SRD5A2: variants seen among roughly 807,000 people sequenced by gnomAD.
The protein encoded by SRD5A2 is steroid 5 alpha-reductase 2.
Under a neutral mutation model 27.4 loss-of-function variants are expected in SRD5A2, and 30 were observed. The observed-to-expected ratio is 1.10, with a 90% CI of 0.82 to 1.49. SRD5A2 has a LOEUF of 1.49. Ranked by LOEUF, SRD5A2 falls within the 40% of genes most tolerant of loss-of-function variation. The pLI is 0.00. For missense variants in SRD5A2, 348 were observed against 323.4 expected (o/e 1.08, Z -0.58); for synonymous variants, 141 against 133.6 (o/e 1.06, Z -0.38).
intron 1 of SRD5A2, among the ~76,000 whole-genome samples, chr2:31,565,176 C>T (rs1208023978): frequency 1.3e-5 from 2 of 151,552 alleles, no homozygotes; most frequent in African/African-American, 2.4e-5. Flanking sequence ...ATGCAATAAA[C>T]CTTTAAGCAA....
At chr2:31,533,567 C>A in intron 2 of SRD5A2, 36 bp downstream of exon 2, 1 of 1,544,426 alleles carries the variant, frequency 6.5e-7, no homozygotes. Flanking sequence ...GGGTTGTTAG[C>A]TGGGAAGTAG....
chr2:31,580,502 C>T lies in SRD5A2; in HGVS notation c.281+118G>A. 3.1e-6 allele frequency: 4 copies of T among 1,295,634 alleles called. No homozygotes were observed. In the Admixed American group the frequency reaches 8.9e-5, roughly 29 times the overall value. 80.3% of individuals were successfully genotyped at this position (1,295,634 alleles called of 1,614,324 possible). A position where few individuals can be genotyped will look rare whatever the true frequency, so the allele number is the denominator to read the frequency against. ...GCCAGGCAGGCTGGCCTCCGCGTTC[C>T]TCACAGCGCCCCACGCTGCCTCCTT... On this transcript the variant is annotated intron_variant, in intron 1 of 4. Coordinates refer to ENST00000622030, the MANE Select transcript of SRD5A2 (RefSeq NM_000348.4).
intron 1 of SRD5A2, among the ~76,000 whole-genome samples, chr2:31,546,603 T>C (rs1304391323): frequency 1.3e-5 from 2 of 151,966 alleles, no homozygotes; most frequent in Non-Finnish European, 2.9e-5. Flanking sequence ...CACTTGAACA[T>C]AAAGACAAAA....
chr2:31,588,720 G>A, the SRD5A2 span, among the ~76,000 whole-genome samples: 19 of 152,198 alleles, frequency 1.2e-4, no homozygotes, highest in East Asian at 7.7e-4. Flanking sequence ...AAACAAACTG[G>A]TAATAGTAAG....
At chr2:31,601,193 A>G in the SRD5A2 span, among the ~76,000 whole-genome samples, 1 of 151,950 alleles carries the variant, frequency 6.6e-6, no homozygotes, top group African/African-American at 2.4e-5. Flanking sequence ...TAATAAAGAA[A>G]AGAGAGAAGA....
chr2:31,594,660 AG>A, the SRD5A2 span, among the ~76,000 whole-genome samples: 3 of 152,182 alleles, frequency 2.0e-5, no homozygotes, highest in African/African-American at 7.2e-5. Context: ...CAAGACAGAA[AG>A]TCAACAAAAA....
At chr2:31,606,462 G>C in the SRD5A2 span, among the ~76,000 whole-genome samples, 1 of 151,882 alleles carries the variant, frequency 6.6e-6, no homozygotes, top group Non-Finnish European at 1.5e-5. Context: ...AAGAGAGGTA[G>C]AGAGTGAAGT....
At chr2:31,558,587 C>T (rs1013953903) in intron 1 of SRD5A2, among the ~76,000 whole-genome samples, 3 of 152,202 alleles carry the variant, frequency 2.0e-5, no homozygotes, top group Admixed American at 1.3e-4. Flanking sequence ...GTCTGTTTCT[C>T]TCCTCTTATG....
At chr2:31,574,796 C>T (rs994254923) in intron 1 of SRD5A2, among the ~76,000 whole-genome samples, 4 of 152,240 alleles carry the variant, frequency 2.6e-5, no homozygotes, top group African/African-American at 4.8e-5. Flanking sequence ...TGTAAAGCCA[C>T]GCCATTCATA....
chr2:31,655,515 G>C, the SRD5A2 span, among the ~76,000 whole-genome samples: 1 of 152,174 alleles, frequency 6.6e-6, no homozygotes. Flanking sequence ...CCAGTATTTT[G>C]CATAGAGGAG....
chr2:31,524,537 T>C lies in SRD5A2; in HGVS notation c.*1659A>G, dbSNP rs753356765. The C allele has an allele frequency of 8.7e-6, 2 of 229,762 alleles. No homozygotes were observed. Among genetic ancestry groups the C allele is most frequent in the African/African-American group, 2.2e-5 (1 of 45,096 alleles). 14.2% of individuals were successfully genotyped at this position (229,762 alleles called of 1,614,324 possible). On this transcript the variant is annotated 3_prime_UTR_variant, in exon 5 of 5. Coordinates refer to ENST00000622030, the MANE Select transcript of SRD5A2 (RefSeq NM_000348.4). ...AGCACACCCCAATACCTTGTGAAAA[T>C]CTCCAGAAGTCCCAGGATATTTTAA...
chr2:31,561,612 A>G (rs752984258), intron 1 of SRD5A2, among the ~76,000 whole-genome samples: 54 of 152,118 alleles, frequency 3.5e-4, no homozygotes, highest in Non-Finnish European at 6.8e-4. Context: ...ATACTGGGAG[A>G]CCTTGGAACT....
Position 31,580,927 on chromosome 2 carries a change from C to T in SRD5A2, c.-27G>A. ...GCGCCGTGTTCCTCGCCGGTGGCCG[C>T]TGCCCTCCCAGAAGAGAGCGCGGCC... is the stretch of plus-strand genomic sequence containing the variant. On this transcript the variant is annotated 5_prime_UTR_variant, in exon 1 of 5. Transcript: ENST00000622030. 6.3e-7 allele frequency: 1 copy of T among 1,584,632 alleles called. No homozygotes were observed. Among genetic ancestry groups the T allele is most frequent in the Non-Finnish European group, 8.6e-7 (1 of 1,164,666 alleles).
the SRD5A2 span, among the ~76,000 whole-genome samples, chr2:31,605,799 A>T: frequency 1.9e-4 from 29 of 151,858 alleles, no homozygotes; most frequent in Admixed American, 1.9e-3. Flanking sequence ...ACTGCTGGGT[A>T]CATACCCAAA....
chr2:31,661,053 A>T, the SRD5A2 span, among the ~76,000 whole-genome samples: 1 of 152,160 alleles, frequency 6.6e-6, no homozygotes, highest in Non-Finnish European at 1.5e-5. Context: ...CCTGTTAACT[A>T]AACCCAGGTA....
chr2:31,598,274 T>C, the SRD5A2 span, among the ~76,000 whole-genome samples: 1 of 151,920 alleles, frequency 6.6e-6, no homozygotes, highest in Non-Finnish European at 1.5e-5. Flanking sequence ...AAGAATGATA[T>C]AATGGGCTCT....
chr2:31,598,681 A>G, the SRD5A2 span, among the ~76,000 whole-genome samples: 1 of 152,004 alleles, frequency 6.6e-6, no homozygotes, highest in Non-Finnish European at 1.5e-5. Context: ...TAAACAAAAA[A>G]TAAAAAAACA....
chr2:31,585,690 T>C (rs1193150689), upstream of SRD5A2, among the ~76,000 whole-genome samples: 1 of 152,162 alleles, frequency 6.6e-6, no homozygotes, highest in Non-Finnish European at 1.5e-5. Context: ...GGTGAGCCTC[T>C]GAGACTAGCT....
the SRD5A2 span, among the ~76,000 whole-genome samples, chr2:31,645,503 A>C: frequency 1.3e-5 from 2 of 152,358 alleles, no homozygotes; most frequent in South Asian, 4.1e-4. Flanking sequence ...TTTCTGACAG[A>C]TGTAAATTTG....
Sources: allele counts gnomAD v4.1 joint callset (sites outside exome capture counted in the v4.1 genomes callset), GRCh38; gene constraint gnomAD v4.1.1; transcripts MANE v1.5; gene names NCBI Gene and HGNC (gene_info 2026-07-23, HGNC 2026-07-21).